The following SH3KBP1 variants were observed in gnomAD, a reference collection of about 807,000 sequenced individuals.
The protein encoded by SH3KBP1 is SH3 domain containing kinase binding protein 1, also known as SH3 domain-containing kinase-binding protein 1.
Under a neutral mutation model 50.1 loss-of-function variants are expected in SH3KBP1, and 8 were observed. The ratio of observed to expected loss-of-function variants is 0.16; its 90% CI spans 0.09 to 0.29. The LOEUF (loss-of-function observed/expected upper bound fraction) is 0.29. SH3KBP1 is among the 10% of genes least tolerant of loss of function. The pLI, the probability that SH3KBP1 is intolerant of heterozygous loss-of-function variation, is 1.00. For synonymous variants in SH3KBP1, 227 were observed against 218.6 expected (o/e 1.04, Z -0.34); for missense variants, 377 against 535.2 (o/e 0.70, Z 2.92).
intron 3 of SH3KBP1, among the ~76,000 whole-genome samples, chrX:19,724,935 G>A (rs950755777): frequency 2.7e-5 from 3 of 111,242 alleles, no homozygotes; most frequent in African/African-American, 9.8e-5. Flanking sequence ...CACGCTGCCT[G>A]GGGATTGTTT....
chrX:19,735,930 T>C (rs1271843554), intron 3 of SH3KBP1, among the ~76,000 whole-genome samples: 2 of 110,610 alleles, frequency 1.8e-5, no homozygotes, highest in Non-Finnish European at 3.8e-5. Flanking sequence ...TTCACTGTGT[T>C]AGCCAGGATG....
At chrX:19,696,131 C>T (rs891685577) in intron 4 of SH3KBP1, among the ~76,000 whole-genome samples, 6 of 111,505 alleles carry the variant, frequency 5.4e-5, no homozygotes, top group African/African-American at 1.6e-4. Flanking sequence ...CTCAAAATAT[C>T]GTATGTGCTC....
chrX:19,750,950 T>C lies in SH3KBP1; in HGVS notation c.163-4509A>G, dbSNP rs962802574. ...AGCTAGCAAGGGGCAGAGCTGGCCA[T>C]GAAACCAAACTCTGAGCCTTCTAGG... is the stretch of plus-strand genomic sequence containing the variant. On this transcript the variant is annotated intron_variant, in intron 2 of 17. Coordinates refer to ENST00000397821, the MANE Select transcript of SH3KBP1 (RefSeq NM_031892.3). 6.3e-5 allele frequency among the ~76,000 whole-genome samples: 7 copies of C among 111,549 alleles called. No individual in the cohort carries two copies. In the East Asian group the frequency reaches 1.7e-3, roughly 27 times the overall value.
chrX:19,826,685 A>AATAAC (rs3036641), intron 2 of SH3KBP1, among the ~76,000 whole-genome samples: 12,257 of 89,593 alleles, frequency 0.14, 1,022 homozygotes, highest in East Asian at 0.21. Context: ...ACTGTCTCTA[A>AATAAC]ATAACATAAC....
chrX:19,552,920 G>C (rs2065283497), intron 13 of SH3KBP1, among the ~76,000 whole-genome samples: 1 of 110,078 alleles, frequency 9.1e-6, no homozygotes, highest in South Asian at 3.9e-4. Context: ...CCAAGTGACT[G>C]AAGGGTGTTC....
chrX:19,675,633 T>C (rs746926743), intron 6 of SH3KBP1, among the ~76,000 whole-genome samples: 9 of 111,366 alleles, frequency 8.1e-5, no homozygotes, highest in Non-Finnish European at 1.3e-4. Flanking sequence ...CTCCATTTCC[T>C]GAACTCATGA....
intron 2 of SH3KBP1, among the ~76,000 whole-genome samples, chrX:19,819,682 A>C (rs1377455450): frequency 9.0e-6 from 1 of 110,551 alleles, no homozygotes; most frequent in Admixed American, 9.7e-5. Context: ...TTTTTCATTG[A>C]TATTCTCTGT....
At chrX:19,686,616 C>T (rs765117172) in intron 5 of SH3KBP1, among the ~76,000 whole-genome samples, 4 of 110,829 alleles carry the variant, frequency 3.6e-5, no homozygotes, top group African/African-American at 1.3e-4. Context: ...AAAACTCCCA[C>T]GGTGAGGCAC....
At chrX:19,567,083 C>T (rs1479647356) in intron 13 of SH3KBP1, among the ~76,000 whole-genome samples, 1 of 109,848 alleles carries the variant, frequency 9.1e-6, no homozygotes, top group African/African-American at 3.3e-5. Context: ...AAATCAATCC[C>T]TGATAGTGCT....
intron 6 of SH3KBP1, among the ~76,000 whole-genome samples, chrX:19,647,677 T>C (rs772794155): frequency 2.7e-5 from 3 of 111,492 alleles, no homozygotes; most frequent in African/African-American, 9.8e-5. Context: ...GTCTAGAATA[T>C]GGCAAAGTTT....
chrX:19,571,348 C>A (rs974833905), intron 12 of SH3KBP1, among the ~76,000 whole-genome samples: 1 of 111,892 alleles, frequency 8.9e-6, no homozygotes, highest in African/African-American at 3.3e-5. Flanking sequence ...GCTGTGGGCT[C>A]CCCTAGGCTA....
intron 5 of SH3KBP1, among the ~76,000 whole-genome samples, chrX:19,687,295 C>G (rs920612417): frequency 8.9e-6 from 1 of 112,621 alleles, no homozygotes; most frequent in African/African-American, 3.2e-5. Context: ...ACCCCAGAAG[C>G]CCAGAGAAAC....
intron 13 of SH3KBP1, among the ~76,000 whole-genome samples, chrX:19,553,919 TAATATTAAAA>T: frequency 1.6e-5 from 1 of 62,293 alleles, no homozygotes; most frequent in East Asian, 5.1e-4. Flanking sequence ...ATATTATATA[TAATATTAAAA>T]TATATAATAT....
intron 6 of SH3KBP1, among the ~76,000 whole-genome samples, chrX:19,646,068 T>A (rs2061981708): frequency 9.0e-6 from 1 of 111,265 alleles, no homozygotes; most frequent in Admixed American, 9.5e-5. Flanking sequence ...TCTAAACAGA[T>A]CTACCTGCCT....
At chrX:19,559,941 C>G (rs768422152) in intron 13 of SH3KBP1, among the ~76,000 whole-genome samples, 10 of 110,815 alleles carry the variant, frequency 9.0e-5, no homozygotes, top group Non-Finnish European at 1.7e-4. Flanking sequence ...TTAAAAAAAT[C>G]AAAATAATTC....
intron 12 of SH3KBP1, among the ~76,000 whole-genome samples, chrX:19,582,890 A>T (rs1367749415): frequency 1.8e-5 from 2 of 111,052 alleles, no homozygotes; most frequent in African/African-American, 6.6e-5. Context: ...TGGACTGGTC[A>T]GGCTGCTTCT....
chrX:19,810,991 C>T (rs1025417157), intron 2 of SH3KBP1, among the ~76,000 whole-genome samples: 11 of 112,121 alleles, frequency 9.8e-5, no homozygotes, highest in Admixed American at 6.6e-4. Flanking sequence ...AGCGTTTCAG[C>T]ATTAGTATTA....
chrX:19,852,101 T>C, intron 1 of SH3KBP1, among the ~76,000 whole-genome samples: 1 of 111,360 alleles, frequency 9.0e-6, no homozygotes, highest in Admixed American at 9.6e-5. Flanking sequence ...CTAGGCCATA[T>C]TATGCAGTTT....
chrX:19,761,051 G>A (rs1467475351), intron 2 of SH3KBP1, among the ~76,000 whole-genome samples: 2 of 103,945 alleles, frequency 1.9e-5, no homozygotes, highest in African/African-American at 7.1e-5. Context: ...AGAGAGAGGA[G>A]GCGGCGGAGG....
Sources: allele counts gnomAD v4.1 joint callset (sites outside exome capture counted in the v4.1 genomes callset), GRCh38; gene constraint gnomAD v4.1.1; transcripts MANE v1.5; gene names NCBI Gene and HGNC (gene_info 2026-07-23, HGNC 2026-07-21).